The following WDR74 variants were observed in gnomAD, a reference collection of about 807,000 sequenced individuals.
WDR74 encodes WD repeat-containing protein 74.
A neutral mutation model predicts 45.6 loss-of-function variants in WDR74; 31 were observed. The ratio of observed to expected loss-of-function variants is 0.68; its 90% CI spans 0.51 to 0.92. The LOEUF (loss-of-function observed/expected upper bound fraction) is 0.92. Among genes scored for constraint, WDR74 ranks in the 40% least tolerant of loss-of-function variants. The pLI, the probability that WDR74 is intolerant of heterozygous loss-of-function variation, is 0.00. For missense variants in WDR74, 455 were observed against 497.2 expected, an observed-to-expected ratio of 0.92 and a Z score of 0.81; for synonymous variants, 191 against 192.4, an observed-to-expected ratio of 0.99 and a Z score of 0.06.
chr11:62,838,879 T>A (rs1370225635), intron 3 of WDR74, among the ~76,000 whole-genome samples: 1 of 152,164 alleles, frequency 6.6e-6, no homozygotes, highest in East Asian at 1.9e-4. Context: ...ATGAGAACTT[T>A]TTGAAGGCAG....
At chr11:62,839,925 C>A (rs576253153), upstream of WDR74, 6 of 235,212 alleles carry the variant, frequency 2.6e-5, no homozygotes, top group Admixed American at 5.4e-5. Context: ...ACTTTAGAAA[C>A]GATTCAAATC....
chr11:62,838,543 G>C (rs1371009246), intron 3 of WDR74, among the ~76,000 whole-genome samples: 2 of 151,794 alleles, frequency 1.3e-5, no homozygotes, highest in African/African-American at 2.4e-5. Flanking sequence ...TGGATCACCT[G>C]AGGTCAGGAG....
chr11:62,833,178 T>G, intron 10 of WDR74, 47 bp from the exon 11 acceptor site: 1 of 1,584,372 alleles, frequency 6.3e-7, no homozygotes, highest in Non-Finnish European at 8.6e-7. Context: ...CCGGGCACGG[T>G]GGCTCCCACC....
At chr11:62,837,852 A>T (rs1266947770) in intron 3 of WDR74, among the ~76,000 whole-genome samples, 1 of 152,216 alleles carries the variant, frequency 6.6e-6, no homozygotes, top group Non-Finnish European at 1.5e-5. Context: ...TTGCTTTCAG[A>T]GCTACATCAC....
At chr11:62,834,643 A>G (rs2084932450) in intron 6 of WDR74, 116 bp from the exon 7 acceptor site, 1 of 877,278 alleles carries the variant, frequency 1.1e-6, no homozygotes, top group African/African-American at 1.7e-5. Context: ...CCACTCCCAG[A>G]AACTTTCTCA....
intron 6 of WDR74, chr11:62,834,998 A>G (rs2084937283): frequency 9.1e-6 from 2 of 220,550 alleles, no homozygotes; most frequent in Non-Finnish European, 1.8e-5. Context: ...TCAAGACCTC[A>G]AATGAGACAA....
intron 3 of WDR74, 111 bp from the exon 4 acceptor site, chr11:62,836,147 A>T: frequency 8.9e-7 from 1 of 1,129,244 alleles, no homozygotes; most frequent in East Asian, 2.6e-5. Flanking sequence ...AAAAAAAAGT[A>T]TAAAAGTATT....
chr11:62,837,338 CA>C lies in WDR74; in HGVS notation c.294-1303del, dbSNP rs945231306. 6.0e-5 allele frequency among the ~76,000 whole-genome samples: 9 copies of C among 151,220 alleles called. No individual in the cohort carries two copies. The East Asian group carries it at 1.8e-3, about 29-fold the overall frequency. On this transcript the variant is annotated intron_variant, in intron 3 of 10. Transcript: ENST00000278856. ...TGAAACCCTGTCTCTAATAAAAATA[CA>C]AAAAAAACTTAGCTGGGCGTGGTGG...
chr11:62,838,813 A>C (rs894383011), intron 3 of WDR74, among the ~76,000 whole-genome samples: 2 of 151,970 alleles, frequency 1.3e-5, no homozygotes, highest in East Asian at 3.9e-4. Flanking sequence ...CTATTAAATG[A>C]CTTGCCCATG....
intron 10 of WDR74, 147 bp from the exon 11 acceptor site, chr11:62,833,278 T>A (rs1321648441): frequency 8.7e-5 from 20 of 230,644 alleles, no homozygotes; most frequent in Non-Finnish European, 1.5e-4. Flanking sequence ...GGAGACCCCA[T>A]CTCCACAAAA....
At chr11:62,839,693 C>A, upstream of WDR74, 1 of 1,221,028 alleles carries the variant, frequency 8.2e-7, no homozygotes, top group Non-Finnish European at 1.1e-6. Flanking sequence ...AGTAAAGCTT[C>A]CATGCTTGTT....
upstream of WDR74, among the ~76,000 whole-genome samples, chr11:62,841,055 A>G (rs528782590): frequency 6.6e-6 from 1 of 152,294 alleles, no homozygotes; most frequent in East Asian, 1.9e-4. Flanking sequence ...GCGGTGGCTC[A>G]CGCCTGTATT....
chr11:62,841,398 G>GGCTGA (rs1280430821), upstream of WDR74, among the ~76,000 whole-genome samples: 1 of 151,668 alleles, frequency 6.6e-6, no homozygotes, highest in Non-Finnish European at 1.5e-5. Context: ...CTACCCCAGA[G>GGCTGA]GCTGAAGTAT....
chr11:62,841,698 C>G (rs546086044), upstream of WDR74: 1 of 152,192 alleles, frequency 6.6e-6, no homozygotes, highest in Non-Finnish European at 1.5e-5. Context: ...ATTCCATCTC[C>G]TATTTCCAAA....
chr11:62,833,936 C>T lies in WDR74; in HGVS notation c.777G>A (p.Gly259=), dbSNP rs775619708. 7 of 1,613,204 alleles carry T rather than the reference C, an allele frequency of 4.3e-6. No homozygotes were observed. Among genetic ancestry groups the T allele is most frequent in the Admixed American group, 1.7e-5 (1 of 59,924 alleles). ...GQLAEIDLRQ[G]RLLGCLKGLA... ...GCCCCTTCAGACAGCCCAGTAGACG[C>T]CCTAGAGAAGGGGGGAAGCATCCGT... Residue 259 remains glycine, a splice_region_variant and synonymous_variant, in exon 9 of 11, where the codon GGG becomes GGA. Coordinates refer to ENST00000278856, the MANE Select transcript of WDR74 (RefSeq NM_001369450.1).
chr11:62,834,857 T>A (rs1353533003), intron 6 of WDR74: 1 of 338,038 alleles, frequency 3.0e-6, no homozygotes, highest in African/African-American at 2.1e-5. Context: ...AAGCAGGGGT[T>A]AGCCTGAATG....
intron 2 of WDR74, 40 bp downstream of exon 2, chr11:62,839,281 GC>G (rs777009922): frequency 1.2e-6 from 2 of 1,611,268 alleles, no homozygotes; most frequent in Admixed American, 1.7e-5. Context: ...AGGCTGCTGC[GC>G]CCCAGGCCCC....
chr11:62,835,871 C>T (rs375142835), intron 4 of WDR74, 30 bp from the exon 5 acceptor site: 100 of 1,598,416 alleles, frequency 6.3e-5, no homozygotes, highest in Non-Finnish European at 8.3e-5. Flanking sequence ...AGAGTCCGTT[C>T]CAGAGTCCTT....
chr11:62,839,647 C>CG (rs1437090508), upstream of WDR74: 28 of 1,509,284 alleles, frequency 1.9e-5, no homozygotes, highest in Non-Finnish European at 2.5e-5. Flanking sequence ...TCCGATGCAG[C>CG]GCAGTGTAGT....
Sources: gnomAD v4.1 joint callset for allele counts (sites outside exome capture counted in the v4.1 genomes callset) on GRCh38, gnomAD v4.1.1 for gene constraint, MANE v1.5 for transcripts, NCBI Gene and HGNC (gene_info 2026-07-23, HGNC 2026-07-21) for gene names.